CPLANE1: variants seen among roughly 807,000 people sequenced by gnomAD.
The protein encoded by CPLANE1 is ciliogenesis and planar polarity effector complex subunit 1.
In CPLANE1, 263 loss-of-function variants were observed where a neutral mutation model predicts 362.5. The observed-to-expected ratio is 0.73, with a 90% CI of 0.66 to 0.80. The LOEUF (loss-of-function observed/expected upper bound fraction) is 0.80. Ranked by LOEUF, CPLANE1 falls within the 30% of genes least tolerant of loss-of-function variation. The pLI is 0.00. For synonymous variants in CPLANE1, 1,212 were observed against 1,302.6 expected, an observed-to-expected ratio of 0.93 and a Z score of 1.50; for missense variants, 3,461 against 3,793.4, an observed-to-expected ratio of 0.91 and a Z score of 2.30.
At position 37,144,708 on chromosome 5, in the gene CPLANE1, G is replaced by A. The variant is rs138061034; in HGVS notation, c.8462-2228C>T. Among the ~76,000 whole-genome samples, 719 of 151,662 alleles carry A rather than the reference G, an allele frequency of 4.7e-3. 9 individuals carry two copies. Among genetic ancestry groups the A allele is most frequent in the African/African-American group, 0.016 (670 of 41,378 alleles). On this transcript the variant is annotated intron_variant, in intron 43 of 52. Coordinates refer to ENST00000651892, the MANE Select transcript of CPLANE1 (RefSeq NM_001384732.1). ...CTACTAAAAATACAAAAAATTAGCC[G>A]GGCGCGGTGGCGGGCACCTGTAGTC...
intron 37 of CPLANE1, 122 bp downstream of exon 37, chr5:37,164,151 C>A: frequency 5.5e-6 from 4 of 728,794 alleles, no homozygotes; most frequent in South Asian, 3.7e-5. Flanking sequence ...AGTATAGGAA[C>A]CCTTGAATTT....
intron 46 of CPLANE1, among the ~76,000 whole-genome samples, chr5:37,132,690 T>C (rs1766319973): frequency 6.6e-6 from 1 of 152,200 alleles, no homozygotes; most frequent in African/African-American, 2.4e-5. Context: ...TAGATCATTG[T>C]TGGATGCAAA....
intron 46 of CPLANE1, among the ~76,000 whole-genome samples, chr5:37,126,382 T>C (rs915659133): frequency 2.0e-5 from 3 of 152,194 alleles, no homozygotes; most frequent in Admixed American, 6.5e-5. Context: ...GAAAGGCCCA[T>C]TGCTGCAAGA....
rs1290061398 is a variant in CPLANE1 at position 37,227,829 on chromosome 5, A to T, written c.1122-12T>A. 6.5e-7 allele frequency: 1 copy of T among 1,537,536 alleles called. No homozygotes were observed. Among genetic ancestry groups the T allele is most frequent in the Non-Finnish European group, 8.8e-7 (1 of 1,139,994 alleles). On this transcript the variant is annotated splice_polypyrimidine_tract_variant and intron_variant, in intron 9 of 52. Transcript: ENST00000651892. Reference sequence around the variant, plus strand: ...TAAACTGCTGTGGTCTAGTAAACAAACATCAAAATACAAGAATCAGTAAGA... The same window carrying T: ...TAAACTGCTGTGGTCTAGTAAACAATCATCAAAATACAAGAATCAGTAAGA...
intron 9 of CPLANE1, among the ~76,000 whole-genome samples, chr5:37,230,091 G>T (rs986649849): frequency 1.3e-5 from 2 of 151,498 alleles, no homozygotes; most frequent in South Asian, 2.1e-4. Flanking sequence ...CAGGAGAATC[G>T]CTTGAACCCG....
chr5:37,115,773 TTTTTAG>T (rs1284230882), intron 50 of CPLANE1, among the ~76,000 whole-genome samples: 1 of 151,556 alleles, frequency 6.6e-6, no homozygotes, highest in African/African-American at 2.4e-5. Flanking sequence ...CTTTTTTTTA[TTTTTAG>T]TAGAGACGGG....
At chr5:37,235,366 A>T (rs1254521683) in intron 8 of CPLANE1, among the ~76,000 whole-genome samples, 1 of 152,136 alleles carries the variant, frequency 6.6e-6, no homozygotes, top group Non-Finnish European at 1.5e-5. Flanking sequence ...GACATAAACA[A>T]ATGGAAAAGC....
chr5:37,216,958 T>C (rs568442098), intron 15 of CPLANE1, among the ~76,000 whole-genome samples: 1 of 152,300 alleles, frequency 6.6e-6, no homozygotes, highest in South Asian at 2.1e-4. Flanking sequence ...AGGAATATTG[T>C]TAATAAAGAA....
chr5:37,176,893 T>C (rs1048261059), intron 30 of CPLANE1, among the ~76,000 whole-genome samples: 1 of 151,818 alleles, frequency 6.6e-6, no homozygotes, highest in Non-Finnish European at 1.5e-5. Flanking sequence ...CGAGTAGCTG[T>C]AACTACAAGC....
At position 37,107,461 on chromosome 5, in the gene CPLANE1, C is replaced by T; in HGVS notation, c.*141G>A. 1 of 1,309,854 alleles carries T rather than the reference C, an allele frequency of 7.6e-7. No individual in the cohort carries two copies. The allele number at this position is 1,309,854 out of a possible 1,614,324, so 81.1% of individuals were successfully genotyped here. A position where few individuals can be genotyped will look rare whatever the true frequency, so the allele number is the denominator to read the frequency against. On this transcript the variant is annotated 3_prime_UTR_variant, in exon 53 of 53. Transcript: ENST00000651892. The stretch of plus-strand genomic sequence containing the variant: ...ATGTTTATTTTTCCTCTGGTAATGG[C>T]TAATCCAGGTAATAATATGAAAGCA...
At chr5:37,113,862 G>C (rs13171526) in intron 51 of CPLANE1, among the ~76,000 whole-genome samples, 29,942 of 152,106 alleles carry the variant, frequency 0.2, 3,460 homozygotes, top group East Asian at 0.38. Flanking sequence ...CGCCAGGCTG[G>C]AGTGCAGTGG....
chr5:37,143,958 A>C (rs1770606648), intron 43 of CPLANE1, among the ~76,000 whole-genome samples: 1 of 151,704 alleles, frequency 6.6e-6, no homozygotes, highest in African/African-American at 2.4e-5. Context: ...AAAAAGATAT[A>C]AGGAACAGAG....
intron 46 of CPLANE1, 107 bp downstream of exon 46, chr5:37,138,613 A>G (rs1486436618): frequency 8.1e-7 from 1 of 1,231,994 alleles, no homozygotes; most frequent in African/African-American, 1.5e-5. Context: ...ATCTATTCTA[A>G]GCTTCAGATT....
chr5:37,130,911 A>G (rs1765568908), intron 46 of CPLANE1, among the ~76,000 whole-genome samples: 1 of 152,240 alleles, frequency 6.6e-6, no homozygotes. Context: ...ATAAACTTAA[A>G]GTGCTAAAAC....
At position 37,180,846 on chromosome 5, in the gene CPLANE1, C is replaced by T. The variant is rs767708166; in HGVS notation, c.5570+11G>A. On this transcript the variant is annotated intron_variant, in intron 27 of 52. Coordinates refer to ENST00000651892, the MANE Select transcript of CPLANE1 (RefSeq NM_001384732.1). The stretch of plus-strand genomic sequence containing the variant: ...CTTATATTGAAAAGAAGAGTATAAT[C>T]GGCAACTTACTTCAAGATATTTTGA... 15 of 1,612,512 alleles carry T rather than the reference C, an allele frequency of 9.3e-6. No homozygotes were observed. Among genetic ancestry groups the T allele is most frequent in the Middle Eastern group, 1.6e-4 (1 of 6,080 alleles).
chr5:37,196,067 G>A, intron 20 of CPLANE1, 71 bp from the exon 21 acceptor site: 1 of 1,294,126 alleles, frequency 7.7e-7, no homozygotes, highest in Admixed American at 2.7e-5. Context: ...AACTATAAAA[G>A]AATCAGGCAG....
chr5:37,141,051 A>C (rs1268985169), intron 44 of CPLANE1: 62 of 984,984 alleles, frequency 6.3e-5, no homozygotes, highest in Non-Finnish European at 7.2e-5. Context: ...CTCCTCTTTT[A>C]CCCACCTAGT....
chr5:37,244,691 T>TAA (rs527629093), intron 4 of CPLANE1, 84 bp from the exon 5 acceptor site: 56 of 681,442 alleles, frequency 8.2e-5, no homozygotes, highest in Non-Finnish European at 1.0e-4. Flanking sequence ...ATTCTTACAA[T>TAA]AAAAAAAAAA....
In CPLANE1 at chr5:37,153,783, T is replaced by C. The variant is rs1561422845; in HGVS notation, c.8330A>G (p.Gln2777Arg). Residue 2777 changes from glutamine to arginine, a missense_variant, in exon 42 of 53, where the codon CAG (glutamine) becomes CGG (arginine). Gln to Arg is a conservative substitution (Grantham distance 43). Around this residue, in one of 2 missense-constraint regions of CPLANE1, gnomAD observed 3,380 missense variants for 3,666.1 expected, o/e 0.92. Transcript: ENST00000651892. Reference sequence around the variant, plus strand: ...TAGCATTTCAGGCTTGGGGAAATCCTGTTCTATGTTTTCAGCAATGTTCTG... The same window carrying C: ...TAGCATTTCAGGCTTGGGGAAATCCCGTTCTATGTTTTCAGCAATGTTCTG... ...AIQNIAENIE[Q>R]DFPKPEMLDL... The C allele has an allele frequency of 3.7e-6, 6 of 1,613,682 alleles. No individual in the cohort carries two copies. The highest frequency in any genetic ancestry group is 3.3e-5 in the South Asian group (3 of 91,028).
Sources: gnomAD v4.1 joint callset for allele counts (sites outside exome capture counted in the v4.1 genomes callset) on GRCh38, gnomAD v4.1.1 for gene constraint, gnomAD v4.1.1 regional missense constraint, MANE v1.5 for transcripts, NCBI Gene and HGNC (gene_info 2026-07-23, HGNC 2026-07-21) for gene names.